Variants in OR51B5 observed in about 807,000 individuals in gnomAD.
OR51B5 encodes the protein olfactory receptor family 51 subfamily B member 5.
For missense variants in OR51B5, 456 were observed against 374.6 expected, an observed-to-expected ratio of 1.22 and a Z score of -1.79; for synonymous variants, 186 against 144.8, an observed-to-expected ratio of 1.28 and a Z score of -2.04.
intron 1 of OR51B5, among the ~76,000 whole-genome samples, chr11:5,443,782 T>A (rs1195440386): frequency 6.6e-6 from 1 of 152,016 alleles, no homozygotes; most frequent in South Asian, 2.1e-4. Flanking sequence ...GGAGTGTCCA[T>A]GAAAACTTCC....
Position 5,351,954 on chromosome 11 carries a change from G to T in OR51B5, n.85-5044C>A, listed in dbSNP as rs776890548. 13 of 1,613,026 alleles carry T rather than the reference G, an allele frequency of 8.1e-6. No homozygotes were observed. Among genetic ancestry groups the T allele is most frequent in the Non-Finnish European group, 1.0e-5 (12 of 1,179,030 alleles). On this transcript the variant is annotated intron_variant and non_coding_transcript_variant, in intron 1 of 4. Transcript: ENST00000415970. ...AGATTGGTGTGCGGGTATTGACAAGGGCTGGTCTGTCCATTATGCCAATAG... is the reference window on the plus strand; with the variant it reads ...AGATTGGTGTGCGGGTATTGACAAGTGCTGGTCTGTCCATTATGCCAATAG...
chr11:5,381,548 C>T (rs2133718753), intron 1 of OR51B5, among the ~76,000 whole-genome samples: 1 of 152,330 alleles, frequency 6.6e-6, no homozygotes, highest in Non-Finnish European at 1.5e-5. Flanking sequence ...AACAATCTAA[C>T]ATCTTTACTC....
chr11:5,351,821 T>G, intron 1 of OR51B5: 1 of 1,614,168 alleles, frequency 6.2e-7, no homozygotes, highest in Middle Eastern at 1.7e-4. Flanking sequence ...ATCCATACTC[T>G]TTCTGTCATG....
At chr11:5,351,854 T>C (rs1849094457) in intron 1 of OR51B5, 1 of 1,613,990 alleles carries the variant, frequency 6.2e-7, no homozygotes, top group Non-Finnish European at 8.5e-7. Context: ...TTGCTTGCCA[T>C]GGCTTATGAC....
At chr11:5,430,643 T>A (rs1236608271) in intron 1 of OR51B5, 1 of 448,950 alleles carries the variant, frequency 2.2e-6, no homozygotes, top group Non-Finnish European at 4.5e-6. Context: ...TCCTGACTCC[T>A]TGCAGTGATT....
At chr11:5,454,289 T>C (rs900376503) in intron 1 of OR51B5, 5 of 1,614,228 alleles carry the variant, frequency 3.1e-6, no homozygotes, top group South Asian at 2.2e-5. Context: ...TTGGGAAGCA[T>C]GTCCCATGCT....
At chr11:5,418,269 G>T (rs527795474) in intron 1 of OR51B5, among the ~76,000 whole-genome samples, 273 of 152,140 alleles carry the variant, frequency 1.8e-3, no homozygotes, top group African/African-American at 6.2e-3. Flanking sequence ...GTGCGGGGAG[G>T]GGGTAGGGAT....
intron 1 of OR51B5, chr11:5,505,521 T>C (rs1846359684): frequency 1.6e-6 from 2 of 1,217,412 alleles, no homozygotes; most frequent in Non-Finnish European, 2.1e-6. Flanking sequence ...AATGAAGATA[T>C]ACCCGAGACT....
intron 1 of OR51B5, chr11:5,352,123 T>C: frequency 6.2e-7 from 1 of 1,614,206 alleles, no homozygotes; most frequent in Non-Finnish European, 8.5e-7. Flanking sequence ...TGCAATGGTC[T>C]TGTTGGACTT....
chr11:5,374,427 T>G (rs889534494), intron 1 of OR51B5, among the ~76,000 whole-genome samples: 2 of 152,116 alleles, frequency 1.3e-5, no homozygotes, highest in East Asian at 1.9e-4. Context: ...CAGAGCACCT[T>G]TCCTCCTCCA....
chr11:5,354,988 G>C (rs941955852), intron 1 of OR51B5: 2 of 161,242 alleles, frequency 1.2e-5, no homozygotes, highest in African/African-American at 2.4e-5. Flanking sequence ...TGGTGAGAAA[G>C]GTGATGTGCT....
At chr11:5,442,756 A>G (rs1850709758) in intron 1 of OR51B5, among the ~76,000 whole-genome samples, 1 of 152,122 alleles carries the variant, frequency 6.6e-6, no homozygotes, top group Non-Finnish European at 1.5e-5. Context: ...AATTCATTAT[A>G]TCGTGGCTTC....
intron 1 of OR51B5, among the ~76,000 whole-genome samples, chr11:5,368,217 C>T (rs958172281): frequency 1.3e-5 from 2 of 152,144 alleles, no homozygotes; most frequent in Non-Finnish European, 2.9e-5. Flanking sequence ...TTGTTTCATG[C>T]TTCTTCATAC....
At chr11:5,433,368 A>T (rs1290258977) in intron 1 of OR51B5, among the ~76,000 whole-genome samples, 1 of 152,226 alleles carries the variant, frequency 6.6e-6, no homozygotes, top group Admixed American at 6.5e-5. Context: ...AAAGACAATA[A>T]CAGTGAAGTA....
chr11:5,427,558 G>T (rs1850468590), intron 1 of OR51B5, among the ~76,000 whole-genome samples: 1 of 152,210 alleles, frequency 6.6e-6, no homozygotes, highest in South Asian at 2.1e-4. Flanking sequence ...TTAGTATGCT[G>T]ACATATTTTT....
chr11:5,477,621 G>C (rs561274908), intron 1 of OR51B5, among the ~76,000 whole-genome samples: 2 of 152,180 alleles, frequency 1.3e-5, no homozygotes, highest in African/African-American at 4.8e-5. Context: ...TCACTAGGGA[G>C]TGCCAGACAG....
intron 1 of OR51B5, among the ~76,000 whole-genome samples, chr11:5,361,436 A>G (rs552232783): frequency 3.3e-5 from 5 of 152,326 alleles, no homozygotes; most frequent in Non-Finnish European, 4.4e-5. Flanking sequence ...GTTGGATCCA[A>G]TATCTTGACC....
At chr11:5,381,174 T>A (rs28428778) in intron 1 of OR51B5, among the ~76,000 whole-genome samples, 21,989 of 148,314 alleles carry the variant, frequency 0.15, 1,704 homozygotes, top group Middle Eastern at 0.21. Flanking sequence ...TCTCTCTCTC[T>A]CACACACACA....
rs547604478 is a variant in OR51B5 at position 5,360,903 on chromosome 11, C to T, written n.85-13993G>A. ...AACTATCGCAAGGACAAAAACCAAA[C>T]ACTGCATGTTCTCACTCATAGGTGG... is the stretch of plus-strand genomic sequence containing the variant. On this transcript the variant is annotated intron_variant and non_coding_transcript_variant, in intron 1 of 4. Transcript: ENST00000415970. 3.8e-3 allele frequency among the ~76,000 whole-genome samples: 576 copies of T among 151,576 alleles called. 2 individuals are homozygous for T. The highest frequency in any genetic ancestry group is 0.01 in the Middle Eastern group (3 of 294).
Sources: allele counts gnomAD v4.1 joint callset (sites outside exome capture counted in the v4.1 genomes callset), GRCh38; gene constraint gnomAD v4.1.1; transcripts MANE v1.5; gene names NCBI Gene and HGNC (gene_info 2026-07-23, HGNC 2026-07-21).